The following ALDH7A1 variants were observed in gnomAD, a reference collection of about 807,000 sequenced individuals.
The protein encoded by ALDH7A1 is alpha-aminoadipic semialdehyde dehydrogenase.
A neutral mutation model predicts 79.9 loss-of-function variants in ALDH7A1; 63 were observed. The ratio of observed to expected loss-of-function variants is 0.79; its 90% CI spans 0.64 to 0.97. ALDH7A1 has a LOEUF of 0.97. ALDH7A1 is among the 50% of genes least tolerant of loss of function. ALDH7A1 has a pLI of 0.00. For synonymous variants in ALDH7A1, 240 were observed against 231.2 expected, an observed-to-expected ratio of 1.04 and a Z score of -0.34; for missense variants, 627 against 665.2, an observed-to-expected ratio of 0.94 and a Z score of 0.63.
intron 12 of ALDH7A1, chr5:126,554,985 T>A (rs1319050214): frequency 1.2e-5 from 2 of 171,374 alleles, no homozygotes; most frequent in Non-Finnish European, 2.5e-5. Context: ...GGGTGAAGAA[T>A]GTTTCCAGCA....
chr5:126,567,046 G>A (rs1173895628), intron 9 of ALDH7A1, among the ~76,000 whole-genome samples: 1 of 152,138 alleles, frequency 6.6e-6, no homozygotes, highest in East Asian at 1.9e-4. Flanking sequence ...GCTTATACTG[G>A]TCCAAGCACA....
intron 5 of ALDH7A1, among the ~76,000 whole-genome samples, chr5:126,579,656 A>T (rs997955386): frequency 4.9e-5 from 5 of 101,098 alleles, no homozygotes; most frequent in African/African-American, 4.9e-4. Context: ...AACTGCTTTA[A>T]AAAAAAAAAT....
chr5:126,580,305 C>G (rs181049050), intron 5 of ALDH7A1, among the ~76,000 whole-genome samples: 1 of 152,204 alleles, frequency 6.6e-6, no homozygotes, highest in Admixed American at 6.5e-5. Flanking sequence ...CCATGTTGGT[C>G]AGGCTGGTCT....
intron 12 of ALDH7A1, 45 bp from the exon 13 acceptor site, chr5:126,554,438 G>T: frequency 6.6e-7 from 1 of 1,516,524 alleles, no homozygotes; most frequent in South Asian, 1.1e-5. Context: ...TGCCCTTTAT[G>T]GCATCGTTTT....
In ALDH7A1 at chr5:126,595,003, G is replaced by T. The variant is rs1310788475; in HGVS notation, c.192+4C>A. Reference sequence around the variant, plus strand: ...CTGCAGAGATTTCTTGAGCGCCCGCGTACCTCTCCCCGGCCTCCCCAGCTT... The same window carrying T: ...CTGCAGAGATTTCTTGAGCGCCCGCTTACCTCTCCCCGGCCTCCCCAGCTT... On this transcript the variant is annotated splice_donor_region_variant and intron_variant, in intron 1 of 17. Coordinates refer to ENST00000409134, the MANE Select transcript of ALDH7A1 (RefSeq NM_001182.5). The T allele has an allele frequency of 1.9e-6, 3 of 1,593,958 alleles. No homozygotes were observed. The highest frequency in any genetic ancestry group is 1.3e-5 in the African/African-American group (1 of 74,136).
At chr5:126,589,788 C>A (rs538851449) in intron 3 of ALDH7A1, among the ~76,000 whole-genome samples, 2 of 151,444 alleles carry the variant, frequency 1.3e-5, no homozygotes, top group African/African-American at 4.8e-5. Flanking sequence ...GTGAGGAGCG[C>A]CTCTGCTCGG....
intron 12 of ALDH7A1, chr5:126,555,041 G>A (rs1185769664): frequency 1.3e-5 from 2 of 158,264 alleles, no homozygotes; most frequent in Non-Finnish European, 1.4e-5. Flanking sequence ...ACACTGAAAG[G>A]ATGTTGGAGA....
At position 126,583,917 on chromosome 5, in the gene ALDH7A1, A is replaced by G. The variant is rs183254966; in HGVS notation, c.393+15T>C. The G allele has an allele frequency of 1.4e-4, 217 of 1,603,580 alleles. No homozygotes were observed. The highest frequency in any genetic ancestry group is 3.3e-4 in the Admixed American group (20 of 59,964). On this transcript the variant is annotated intron_variant, in intron 4 of 17. Transcript: ENST00000409134. ...CCACTCAAAGAATTGTGTATATACTACAAAAATACTTTACCAAGCTTCCTA... is the reference window on the plus strand; with the variant it reads ...CCACTCAAAGAATTGTGTATATACTGCAAAAATACTTTACCAAGCTTCCTA...
At chr5:126,577,455 C>T (rs1398108822) in intron 5 of ALDH7A1, among the ~76,000 whole-genome samples, 1 of 152,126 alleles carries the variant, frequency 6.6e-6, no homozygotes, top group Non-Finnish European at 1.5e-5. Context: ...CTGCATAGAT[C>T]AGAGCAGTAT....
chr5:126,556,916 A>T (rs1034392465), intron 11 of ALDH7A1, among the ~76,000 whole-genome samples: 1 of 152,218 alleles, frequency 6.6e-6, no homozygotes, highest in Non-Finnish European at 1.5e-5. Context: ...TGGAATTTTT[A>T]AAAATATTAC....
At chr5:126,556,808 G>A (rs1307852629) in intron 11 of ALDH7A1, among the ~76,000 whole-genome samples, 2 of 152,176 alleles carry the variant, frequency 1.3e-5, no homozygotes, top group Admixed American at 6.5e-5. Flanking sequence ...CCAAGTGGCA[G>A]AGCTGAACTT....
At chr5:126,552,581 G>A (rs1463227161) in intron 13 of ALDH7A1, among the ~76,000 whole-genome samples, 1 of 151,582 alleles carries the variant, frequency 6.6e-6, no homozygotes, top group South Asian at 2.1e-4. Context: ...ATTTTTAGTA[G>A]AGACCAGGTT....
At chr5:126,574,537 C>T (rs1009820544) in intron 7 of ALDH7A1, among the ~76,000 whole-genome samples, 3 of 151,064 alleles carry the variant, frequency 2.0e-5, no homozygotes, top group African/African-American at 4.9e-5. Context: ...CTACTAAAAA[C>T]ACAAAAAATT....
chr5:126,592,922 C>G (rs1212854166), intron 2 of ALDH7A1, among the ~76,000 whole-genome samples, 193 bp from the exon 3 acceptor site: 6 of 152,318 alleles, frequency 3.9e-5, no homozygotes, highest in East Asian at 1.9e-4. Flanking sequence ...TGGTATCCAA[C>G]TATGCTTTAA....
intron 3 of ALDH7A1, chr5:126,586,641 C>A (rs1406926197): frequency 6.6e-6 from 1 of 152,086 alleles, no homozygotes. Flanking sequence ...ACTGGAGCAA[C>A]CTGAAGTAGG....
intron 14 of ALDH7A1, among the ~76,000 whole-genome samples, chr5:126,551,466 C>T (rs1349840082): frequency 3.3e-5 from 5 of 151,898 alleles, no homozygotes; most frequent in Admixed American, 1.3e-4. Context: ...AGATTACAGG[C>T]GCCCAACACC....
chr5:126,583,442 T>C (rs1751241996), intron 4 of ALDH7A1, among the ~76,000 whole-genome samples: 1 of 149,782 alleles, frequency 6.7e-6, no homozygotes, highest in Non-Finnish European at 1.5e-5. Context: ...GATCCTGCCA[T>C]TGCACTCCAG....
intron 6 of ALDH7A1, among the ~76,000 whole-genome samples, chr5:126,576,682 T>C (rs1344908640): frequency 6.6e-6 from 1 of 152,172 alleles, no homozygotes; most frequent in African/African-American, 2.4e-5. Flanking sequence ...TGCCAACATT[T>C]TGGGAGGCCA....
chr5:126,546,371 C>T lies in ALDH7A1; in HGVS notation c.1518G>A (p.Arg506=). The T allele has an allele frequency of 1.2e-6, 2 of 1,614,182 alleles. No homozygotes were observed. Among genetic ancestry groups the T allele is most frequent in the Non-Finnish European group, 1.7e-6 (2 of 1,180,046 alleles). The stretch of plus-strand genomic sequence containing the variant: ...GTTTCCAGGCATCACTGCCAGACTC[C>T]CTGCCACCACCAGTGTGCTTTTCTC... ...FGGEKHTGGG[R]ESGSDAWKQY... is the part of the protein sequence containing the mutation. The change falls in exon 17 of 18, where the codon AGG becomes AGA. Residue 506 remains arginine (R), a synonymous_variant. Transcript: ENST00000409134.
Sources: allele counts gnomAD v4.1 joint callset (sites outside exome capture counted in the v4.1 genomes callset), GRCh38; gene constraint gnomAD v4.1.1; transcripts MANE v1.5; gene names NCBI Gene and HGNC (gene_info 2026-07-23, HGNC 2026-07-21).